Variants in MYO1E observed in about 807,000 individuals in gnomAD.
The protein encoded by MYO1E is myosin IE.
MYO1E carries 68 observed loss-of-function variants against 151.1 expected under a neutral mutation model. The ratio of observed to expected loss-of-function variants is 0.45; its 90% CI spans 0.37 to 0.55. The LOEUF is 0.55. MYO1E is among the 20% of genes least tolerant of loss of function. The pLI is 0.00. For synonymous variants in MYO1E, 601 were observed against 501.7 expected (o/e 1.20, Z -2.64); for missense variants, 1,363 against 1,389.3 (o/e 0.98, Z 0.30).
rs1375462356 is a variant in MYO1E, at chr15:59,350,348, A to G, written c.3+22150T>C. Among the ~76,000 whole-genome samples the G allele has an allele frequency of 1.3e-5, 2 of 152,182 alleles. No individual in the cohort carries two copies. The highest frequency in any genetic ancestry group is 1.3e-4 in the Admixed American group (2 of 15,278). On this transcript the variant is annotated intron_variant, in intron 1 of 27. Coordinates refer to ENST00000288235, the MANE Select transcript of MYO1E (RefSeq NM_004998.4). This position sits in a 1 kb window ranked among gnomAD's most constrained non-coding sequence, Gnocchi z 5.0. ...CTGACTCACAGTTTCATTACCTTCTATTCACCATGACTGTAGTCGTAGACA... is the reference window on the plus strand; with the variant it reads ...CTGACTCACAGTTTCATTACCTTCTGTTCACCATGACTGTAGTCGTAGACA...
At chr15:59,319,490 G>C (rs955824772) in intron 1 of MYO1E, among the ~76,000 whole-genome samples, 1 of 144,610 alleles carries the variant, frequency 6.9e-6, no homozygotes, top group African/African-American at 2.5e-5. Context: ...GTTTTAGCCA[G>C]AGCTATCAGG....
At chr15:59,166,415 T>C (rs1431216009) in intron 22 of MYO1E, among the ~76,000 whole-genome samples, 1 of 152,224 alleles carries the variant, frequency 6.6e-6, no homozygotes, top group Non-Finnish European at 1.5e-5. Flanking sequence ...CTGCCCTTGT[T>C]TTTTTATTCC....
At position 59,147,447 on chromosome 15, in the gene MYO1E, C is replaced by T. The variant is rs1297870741; in HGVS notation, c.3080+6143G>A. The stretch of plus-strand genomic sequence containing the variant: ...AAACCCCGTCCCTACTAAAAATTAG[C>T]CAGGTGTGGTGGCTCATGCGTGTAA... On this transcript the variant is annotated intron_variant, in intron 26 of 27. Transcript: ENST00000288235. Among the ~76,000 whole-genome samples the T allele has an allele frequency of 2.6e-5, 4 of 151,768 alleles. No homozygotes were observed. In the East Asian group the frequency reaches 5.8e-4, roughly 22 times the overall value.
intron 14 of MYO1E, chr15:59,207,751 A>G (rs777971428): frequency 1.9e-6 from 3 of 1,614,182 alleles, no homozygotes; most frequent in Non-Finnish European, 2.5e-6. Context: ...AGGAACTGAT[A>G]AAGATCCTGA....
intron 22 of MYO1E, among the ~76,000 whole-genome samples, chr15:59,169,888 G>A (rs1339030497): frequency 2.0e-5 from 3 of 152,184 alleles, no homozygotes; most frequent in African/African-American, 4.8e-5. Flanking sequence ...GGCCAGGCAC[G>A]GTGGCTCACG....
At chr15:59,280,001 T>C (rs1465113972) in intron 1 of MYO1E, among the ~76,000 whole-genome samples, 4 of 152,170 alleles carry the variant, frequency 2.6e-5, no homozygotes, top group African/African-American at 9.7e-5. Flanking sequence ...AATAAGATAA[T>C]GGATGTGAAA....
At chr15:59,142,454 A>T (rs1305392664) in intron 26 of MYO1E, among the ~76,000 whole-genome samples, 1 of 152,208 alleles carries the variant, frequency 6.6e-6, no homozygotes, top group Admixed American at 6.5e-5. Flanking sequence ...TGCCCTGGGC[A>T]TCACCCACTT....
intron 1 of MYO1E, among the ~76,000 whole-genome samples, chr15:59,334,239 G>A (rs1356285649): frequency 1.3e-5 from 2 of 152,068 alleles, no homozygotes; most frequent in East Asian, 1.9e-4. Context: ...CATGATTATT[G>A]CATCACTGCA....
chr15:59,299,206 T>C (rs1269863075), intron 1 of MYO1E, among the ~76,000 whole-genome samples: 1 of 152,156 alleles, frequency 6.6e-6, no homozygotes, highest in African/African-American at 2.4e-5. Context: ...AAAACACAGG[T>C]TTTCCATTTT....
At chr15:59,232,403 G>C (rs985217269) in intron 5 of MYO1E, among the ~76,000 whole-genome samples, 1 of 152,206 alleles carries the variant, frequency 6.6e-6, no homozygotes, top group African/African-American at 2.4e-5. Flanking sequence ...TGGTGTTGCT[G>C]GTTTTGCCAG....
intron 26 of MYO1E, among the ~76,000 whole-genome samples, chr15:59,148,398 G>A (rs2079454926): frequency 6.6e-6 from 1 of 152,190 alleles, no homozygotes; most frequent in Non-Finnish European, 1.5e-5. Flanking sequence ...GTCTATGTCG[G>A]GGGAGCTAGG....
At chr15:59,280,532 G>T (rs1240839882) in intron 1 of MYO1E, among the ~76,000 whole-genome samples, 1 of 150,542 alleles carries the variant, frequency 6.6e-6, no homozygotes, top group Non-Finnish European at 1.5e-5. Context: ...TGAGTCAGGA[G>T]AATTGCTTAA....
chr15:59,219,754 G>GAACTA lies in MYO1E; in HGVS notation c.911-1672_911-1668dup, dbSNP rs1412165145. ...TAGGAATCTGGATATGTCTTCCAGT[G>GAACTA]AACTAAACGTGCATTCATCTCACAG... On this transcript the variant is annotated intron_variant, in intron 9 of 27. Coordinates refer to ENST00000288235, the MANE Select transcript of MYO1E (RefSeq NM_004998.4). Among the ~76,000 whole-genome samples the GAACTA allele has an allele frequency of 7.9e-5, 12 of 152,288 alleles. No homozygotes were observed. In the South Asian group the frequency reaches 2.5e-3, roughly 32 times the overall value.
At chr15:59,188,044 G>T in intron 18 of MYO1E, 74 bp downstream of exon 18, 1 of 1,108,198 alleles carries the variant, frequency 9.0e-7, no homozygotes, top group Non-Finnish European at 1.4e-6. Context: ...CGCTTGAAGT[G>T]GGTGAATTGT....
intron 1 of MYO1E, among the ~76,000 whole-genome samples, chr15:59,315,843 T>C (rs2080585537): frequency 6.6e-6 from 1 of 152,338 alleles, no homozygotes; most frequent in East Asian, 1.9e-4. Flanking sequence ...TTGGTGTTTA[T>C]ATTTGTCTGA....
Position 59,276,797 on chromosome 15 carries a change from G to A in MYO1E, c.4-4348C>T, listed in dbSNP as rs530273372. ...TTCAAAGGTGGAACCTCACTGACTG[G>A]TGTCTGTTTACCAGGGTGGGGACCA... On this transcript the variant is annotated intron_variant, in intron 1 of 27. Coordinates refer to ENST00000288235, the MANE Select transcript of MYO1E (RefSeq NM_004998.4). Among the ~76,000 whole-genome samples, 107 of 152,304 alleles carry A rather than the reference G, an allele frequency of 7.0e-4. 1 individual carries two copies. The highest frequency in any genetic ancestry group is 1.6e-3 in the Admixed American group (25 of 15,300).
rs775668256 is a variant in MYO1E at position 59,188,172 on chromosome 15, C to T, written c.1850G>A (p.Arg617Gln). ...VEYLGLKENI[R>Q]VRRAGYAYRR... ...ATAGGCATAGCCAGCTCTTCTCACT[C>T]GAATGTTCTCTTTCAGACCCAAATA... Residue 617 changes from arginine (R) to glutamine (Q), a missense_variant, in exon 18 of 28, where the codon CGA becomes CAA. Transcript: ENST00000288235. 4 of 1,614,134 alleles carry T rather than the reference C, an allele frequency of 2.5e-6. No individual in the cohort carries two copies. The highest frequency in any genetic ancestry group is 3.4e-6 in the Non-Finnish European group (4 of 1,180,032).
chr15:59,265,252 C>G (rs2080246555), intron 2 of MYO1E, among the ~76,000 whole-genome samples: 1 of 152,070 alleles, frequency 6.6e-6, no homozygotes, highest in Non-Finnish European at 1.5e-5. Context: ...CCGCCTTGTC[C>G]TAGACAAATT....
chr15:59,278,903 T>C lies in MYO1E; in HGVS notation c.4-6454A>G, dbSNP rs146710375. On this transcript the variant is annotated intron_variant, in intron 1 of 27. Coordinates refer to ENST00000288235, the MANE Select transcript of MYO1E (RefSeq NM_004998.4). ...TATAATTTCTGCACTATTTTACAAA[T>C]GGAGAAACTGAAGCTTGGGGTCATA... 6.0e-3 allele frequency among the ~76,000 whole-genome samples: 908 copies of C among 152,270 alleles called. 6 individuals carry two copies. Among genetic ancestry groups the C allele is most frequent in the African/African-American group, 0.021 (864 of 41,558 alleles).
Sources: gnomAD v4.1 joint callset for allele counts (sites outside exome capture counted in the v4.1 genomes callset) on GRCh38, gnomAD v4.1.1 for gene constraint, Gnocchi (gnomAD v3.1) non-coding constraint, MANE v1.5 for transcripts, NCBI Gene and HGNC (gene_info 2026-07-23, HGNC 2026-07-21) for gene names.